The following EYS variants were observed in gnomAD, a reference collection of about 807,000 sequenced individuals.
The protein encoded by EYS is protein eyes shut homolog.
In EYS, 250 loss-of-function variants were observed where a neutral mutation model predicts 282.1. The observed-to-expected ratio is 0.89, with a 90% CI of 0.80 to 0.98. The LOEUF (loss-of-function observed/expected upper bound fraction) is 0.98, where lower values mean the gene tolerates loss of function less well. EYS is among the 50% of genes least tolerant of loss of function. The probability of loss-of-function intolerance (pLI) is 0.00; values close to 1 mark genes in which losing one functional copy is unlikely to be tolerated. For missense variants in EYS, 4,016 were observed against 3,709.0 expected, an observed-to-expected ratio of 1.08 and a Z score of -2.15; for synonymous variants, 1,355 against 1,282.9, an observed-to-expected ratio of 1.06 and a Z score of -1.20.
chr6:65,699,925 T>A (rs1769599539), intron 1 of EYS, among the ~76,000 whole-genome samples: 2 of 151,228 alleles, frequency 1.3e-5, no homozygotes, highest in Admixed American at 1.3e-4. Context: ...CCATCCTGGC[T>A]AACATGGTGA....
At chr6:64,924,218 G>A (rs1225848971) in intron 15 of EYS, among the ~76,000 whole-genome samples, 3 of 152,206 alleles carry the variant, frequency 2.0e-5, no homozygotes, top group Non-Finnish European at 4.4e-5. Context: ...TGTGGAAGCT[G>A]CCAAGGCTTA....
chr6:64,761,774 G>C (rs183100617), intron 22 of EYS, among the ~76,000 whole-genome samples: 2 of 152,016 alleles, frequency 1.3e-5, no homozygotes, highest in Non-Finnish European at 2.9e-5. Flanking sequence ...TAAATTCTTC[G>C]AGGACTAAAG....
At chr6:64,810,980 C>A (rs1454990769) in intron 22 of EYS, among the ~76,000 whole-genome samples, 4 of 151,944 alleles carry the variant, frequency 2.6e-5, no homozygotes, top group Non-Finnish European at 5.9e-5. Context: ...GAACTCAGAA[C>A]AATAAGTTCA....
chr6:65,650,487 C>T (rs1051708119), intron 1 of EYS, among the ~76,000 whole-genome samples: 15 of 152,092 alleles, frequency 9.9e-5, no homozygotes, highest in Admixed American at 5.9e-4. Context: ...TATTGCCAGA[C>T]CCCAGGTGAG....
chr6:64,408,445 A>T (rs1773791470), intron 28 of EYS, among the ~76,000 whole-genome samples: 1 of 152,182 alleles, frequency 6.6e-6, no homozygotes, highest in Non-Finnish European at 1.5e-5. Context: ...GTACGCTGGT[A>T]CATATATTTC....
intron 26 of EYS, among the ~76,000 whole-genome samples, chr6:64,534,242 CTTCT>C (rs1485554719): frequency 6.6e-6 from 1 of 151,756 alleles, no homozygotes; most frequent in Admixed American, 6.6e-5. Flanking sequence ...TATTTATTTT[CTTCT>C]TTCTTGTTTT....
chr6:63,947,316 C>T (rs1035862276), intron 35 of EYS, among the ~76,000 whole-genome samples: 1 of 151,818 alleles, frequency 6.6e-6, no homozygotes, highest in Non-Finnish European at 1.5e-5. Flanking sequence ...AGATAATAAG[C>T]AGTTTTTATC....
chr6:63,998,161 T>C (rs1159463345), intron 34 of EYS, among the ~76,000 whole-genome samples: 4 of 152,158 alleles, frequency 2.6e-5, no homozygotes, highest in Non-Finnish European at 5.9e-5. Flanking sequence ...TAGAGCCTCC[T>C]TTCTTATCAC....
intron 26 of EYS, among the ~76,000 whole-genome samples, chr6:64,589,227 A>G (rs966180811): frequency 2.0e-5 from 3 of 152,098 alleles, no homozygotes; most frequent in Non-Finnish European, 4.4e-5. Context: ...AGACAAAATT[A>G]TATCATATTG....
intron 1 of EYS, among the ~76,000 whole-genome samples, chr6:65,688,894 G>A (rs1422759337): frequency 4.0e-5 from 6 of 151,720 alleles, no homozygotes; most frequent in Non-Finnish European, 2.9e-5. Context: ...GAGAGGATGT[G>A]GAGAAATAGG....
intron 29 of EYS, among the ~76,000 whole-genome samples, chr6:64,369,436 T>C (rs1037169723): frequency 6.6e-5 from 10 of 152,206 alleles, no homozygotes; most frequent in Admixed American, 1.3e-4. Context: ...TTTTTTCTAA[T>C]TCTTTGAAGA....
chr6:64,904,695 C>T (rs1423980562), intron 16 of EYS, among the ~76,000 whole-genome samples: 1 of 152,124 alleles, frequency 6.6e-6, no homozygotes, highest in Non-Finnish European at 1.5e-5. Flanking sequence ...GGCAGTGGAA[C>T]TCAGGGGCAC....
rs180982476 is a variant in EYS at position 64,585,633 on chromosome 6, C to A, written c.5644+4590G>T. Among the ~76,000 whole-genome samples the A allele has an allele frequency of 3.9e-5, 6 of 152,176 alleles. No individual in the cohort carries two copies. The East Asian group carries it at 1.2e-3, about 29-fold the overall frequency. On this transcript the variant is annotated intron_variant, in intron 26 of 42. Transcript: ENST00000503581. ...ATCTTTCTCTATGGACTCACAATCA[C>A]CCCTTGGATGTAGTTTTATATATAG... is the stretch of plus-strand genomic sequence containing the variant.
intron 12 of EYS, among the ~76,000 whole-genome samples, chr6:65,161,697 T>G (rs1039149152): frequency 6.6e-6 from 1 of 151,134 alleles, no homozygotes; most frequent in Non-Finnish European, 1.5e-5. Context: ...AAAATTTATG[T>G]GAAAGCATTT....
intron 22 of EYS, among the ~76,000 whole-genome samples, chr6:64,649,990 C>T (rs1044396324): frequency 1.3e-5 from 2 of 151,948 alleles, no homozygotes; most frequent in African/African-American, 4.8e-5. Context: ...CAGAAATCAT[C>T]ATTTAGAACA....
At chr6:64,068,782 G>C (rs982408098) in intron 32 of EYS, among the ~76,000 whole-genome samples, 2 of 152,126 alleles carry the variant, frequency 1.3e-5, no homozygotes, top group Non-Finnish European at 2.9e-5. Flanking sequence ...TGTAAGTACT[G>C]TGGAGTTGTG....
intron 31 of EYS, among the ~76,000 whole-genome samples, chr6:64,161,119 AT>A (rs1347960697): frequency 1.3e-5 from 2 of 152,206 alleles, no homozygotes; most frequent in Non-Finnish European, 2.9e-5. Flanking sequence ...TTATATCAAT[AT>A]TTTCCCCATC....
intron 19 of EYS, among the ~76,000 whole-genome samples, chr6:64,828,441 A>G (rs1288790432): frequency 6.6e-6 from 1 of 151,944 alleles, no homozygotes; most frequent in Admixed American, 6.6e-5. Context: ...TATATCTTAG[A>G]AGACTCTATG....
intron 27 of EYS, among the ~76,000 whole-genome samples, chr6:64,436,634 A>G (rs1013494975): frequency 1.3e-5 from 2 of 151,874 alleles, no homozygotes; most frequent in African/African-American, 4.8e-5. Context: ...AGAATGGTTA[A>G]TACAATCTAG....
Sources: gnomAD v4.1 joint callset for allele counts (sites outside exome capture counted in the v4.1 genomes callset) on GRCh38, gnomAD v4.1.1 for gene constraint, MANE v1.5 for transcripts, NCBI Gene and HGNC (gene_info 2026-07-23, HGNC 2026-07-21) for gene names.